Variants in MKLN1 observed in about 807,000 individuals in gnomAD.
The protein encoded by MKLN1 is muskelin.
MKLN1 carries 18 observed loss-of-function variants against 99.0 expected under a neutral mutation model. The observed-to-expected ratio is 0.18, with a 90% CI of 0.13 to 0.27. The LOEUF (loss-of-function observed/expected upper bound fraction) is 0.27, where lower values mean the gene tolerates loss of function less well. Ranked by LOEUF, MKLN1 falls within the 10% of genes least tolerant of loss-of-function variation. The probability of loss-of-function intolerance (pLI) is 1.00; values close to 1 mark genes in which losing one functional copy is unlikely to be tolerated. For missense variants in MKLN1, 621 were observed against 875.9 expected (o/e 0.71, Z 3.67); for synonymous variants, 288 against 293.2 (o/e 0.98, Z 0.18).
Position 131,437,887 on chromosome 7 carries a change from A to G in MKLN1, c.1063A>G (p.Lys355Glu). The G allele has an allele frequency of 6.2e-7, 1 of 1,613,912 alleles. No homozygotes were observed. Among genetic ancestry groups the G allele is most frequent in the Middle Eastern group, 1.6e-4 (1 of 6,062 alleles). The change falls in exon 10 of 18, where the codon AAA (lysine) becomes GAA (glutamate). Residue 355 changes from lysine to glutamate, a missense_variant. This residue lies in a region of MKLN1 where 361 missense variants were observed against 540.8 expected (regional missense o/e 0.67). Coordinates refer to ENST00000352689, the MANE Select transcript of MKLN1 (RefSeq NM_013255.5). ...CTTGGATTCCTCTGTGAGGAACAGC[A>G]AATCTCTGAAAAGTGACTTCTATCG... ...RYLDSSVRNS[K>E]SLKSDFYRYD...
Position 131,197,896 on chromosome 7 carries a change from G to A in MKLN1, c.-296-4961G>A, listed in dbSNP as rs116447212. 8.3e-3 allele frequency among the ~76,000 whole-genome samples: 1,269 copies of A among 151,980 alleles called. 26 individuals are homozygous for A. The highest frequency in any genetic ancestry group is 0.028 in the African/African-American group (1,180 of 41,420). ...CTATTGCCCAGGCTGGAGTGCAGTGGCACCATCTCAGGTCTGCAACCTCTG... is the reference window on the plus strand; with the variant it reads ...CTATTGCCCAGGCTGGAGTGCAGTGACACCATCTCAGGTCTGCAACCTCTG... On this transcript the variant is annotated intron_variant, in intron 2 of 7. Transcript: ENST00000416992.
intron 2 of MKLN1, among the ~76,000 whole-genome samples, chr7:131,153,960 G>A (rs796199652): frequency 5.9e-5 from 9 of 151,824 alleles, no homozygotes; most frequent in African/African-American, 2.2e-4. Flanking sequence ...ACTGCACCTG[G>A]CCAGAAGTAG....
intron 3 of MKLN1, among the ~76,000 whole-genome samples, chr7:131,253,802 A>C (rs1266736228): frequency 6.6e-6 from 1 of 152,248 alleles, no homozygotes; most frequent in Non-Finnish European, 1.5e-5. Context: ...TCTTATAAAC[A>C]ACGGAGAATT....
intron 3 of MKLN1, among the ~76,000 whole-genome samples, chr7:131,237,353 T>C (rs1289925041): frequency 2.0e-5 from 3 of 152,216 alleles, no homozygotes; most frequent in Non-Finnish European, 2.9e-5. Flanking sequence ...ACTTAAAGCA[T>C]GTTAGAAGGC....
chr7:131,411,273 G>A (rs1794867275), intron 6 of MKLN1, 33 bp from the exon 7 acceptor site: 2 of 1,313,036 alleles, frequency 1.5e-6, no homozygotes, highest in Admixed American at 1.7e-5. Flanking sequence ...AGTAGTTAAG[G>A]TGTAATTCTT....
At chr7:131,217,394 A>G (rs973113897) in intron 3 of MKLN1, among the ~76,000 whole-genome samples, 1 of 152,244 alleles carries the variant, frequency 6.6e-6, no homozygotes, top group Admixed American at 6.5e-5. Context: ...GGGCAAATAA[A>G]TCATCCAAAT....
At chr7:131,464,205 G>C in intron 13 of MKLN1, 89 bp from the exon 14 acceptor site, 1 of 651,880 alleles carries the variant, frequency 1.5e-6, no homozygotes, top group South Asian at 2.7e-5. Context: ...TTTTTTGTTA[G>C]TAATTAGACA....
chr7:131,306,173 C>T (rs1170971569), intron 3 of MKLN1, among the ~76,000 whole-genome samples: 1 of 152,154 alleles, frequency 6.6e-6, no homozygotes, highest in Non-Finnish European at 1.5e-5. Context: ...GCCTCCCCAG[C>T]CATGTGAAAC....
intron 2 of MKLN1, among the ~76,000 whole-genome samples, chr7:131,376,315 G>T (rs1391270003): frequency 6.8e-6 from 1 of 147,514 alleles, no homozygotes; most frequent in Non-Finnish European, 1.5e-5. Flanking sequence ...GGCTAGCCTG[G>T]GCAACACAGA....
intron 1 of MKLN1, among the ~76,000 whole-genome samples, chr7:131,337,911 C>T (rs1799296927): frequency 6.6e-6 from 1 of 151,992 alleles, no homozygotes. Flanking sequence ...ATACATTTCC[C>T]CAGATAGGAT....
At chr7:131,458,954 TA>T (rs1000667219) in intron 12 of MKLN1, among the ~76,000 whole-genome samples, 1 of 152,148 alleles carries the variant, frequency 6.6e-6, no homozygotes, top group Non-Finnish European at 1.5e-5. Context: ...ACTCCTATAA[TA>T]AAAGACAGGT....
chr7:131,213,478 C>A (rs1796935983), intron 3 of MKLN1, among the ~76,000 whole-genome samples: 1 of 152,116 alleles, frequency 6.6e-6, no homozygotes, highest in Admixed American at 6.5e-5. Flanking sequence ...TTTTTCTAGG[C>A]CAGAGTCTGT....
At chr7:131,259,504 T>A (rs995122279) in intron 3 of MKLN1, among the ~76,000 whole-genome samples, 14 of 152,166 alleles carry the variant, frequency 9.2e-5, no homozygotes, top group Non-Finnish European at 1.5e-4. Flanking sequence ...TATACTTATA[T>A]TAATATATCA....
intron 3 of MKLN1, among the ~76,000 whole-genome samples, chr7:131,317,792 G>GGTTGCAATCCTAGTCTC (rs1798699362): frequency 6.7e-6 from 1 of 150,110 alleles, no homozygotes; most frequent in East Asian, 1.9e-4. Flanking sequence ...AAAAAGCAGG[G>GGTTGCAATCCTAGTCTC]GTTGCAATCC....
intron 3 of MKLN1, among the ~76,000 whole-genome samples, chr7:131,275,561 ATATATATT>A (rs1469991968): frequency 8.0e-5 from 1 of 12,510 alleles, no homozygotes; most frequent in Non-Finnish European, 1.3e-4. Context: ...ATATATATAT[ATATATATT>A]TTTTTTTTTT....
chr7:131,205,626 C>T (rs1321882776), intron 3 of MKLN1, among the ~76,000 whole-genome samples: 1 of 152,136 alleles, frequency 6.6e-6, no homozygotes, highest in Non-Finnish European at 1.5e-5. Context: ...TCAGGCTAGA[C>T]TCTTACGTGG....
chr7:131,341,527 T>C (rs1799407098), intron 1 of MKLN1, among the ~76,000 whole-genome samples: 1 of 152,248 alleles, frequency 6.6e-6, no homozygotes, highest in African/African-American at 2.4e-5. Context: ...ATCCTTCTTA[T>C]TGCTGGTAAG....
chr7:131,429,154 T>C lies in MKLN1; in HGVS notation c.960+9T>C, dbSNP rs778423581. The C allele has an allele frequency of 6.3e-7, 1 of 1,579,922 alleles. No homozygotes were observed. The highest frequency in any genetic ancestry group is 1.7e-5 in the Admixed American group (1 of 59,774). ...GAGACACTGAAAAAGAGGCAAGTTC[T>C]CAGACTTTTCATACATCTATATTAC... On this transcript the variant is annotated intron_variant, in intron 9 of 17. Transcript: ENST00000352689.
intron 3 of MKLN1, among the ~76,000 whole-genome samples, chr7:131,304,148 A>C (rs1270046386): frequency 6.6e-6 from 1 of 152,110 alleles, no homozygotes; most frequent in Non-Finnish European, 1.5e-5. Flanking sequence ...CTGAGGCGGG[A>C]GGATCTCTTG....
Sources: allele counts gnomAD v4.1 joint callset (sites outside exome capture counted in the v4.1 genomes callset), GRCh38; gene constraint gnomAD v4.1.1; regional missense constraint gnomAD v4.1.1; transcripts MANE v1.5; gene names NCBI Gene and HGNC (gene_info 2026-07-23, HGNC 2026-07-21).